The following PIGN variants were observed in gnomAD, a reference collection of about 807,000 sequenced individuals.
The protein encoded by PIGN is GPI ethanolamine phosphate transferase 1.
Under a neutral mutation model 125.4 loss-of-function variants are expected in PIGN, and 117 were observed. The ratio of observed to expected loss-of-function variants is 0.93; its 90% confidence interval spans 0.80 to 1.09. PIGN has a LOEUF of 1.09. Among genes scored for constraint, PIGN ranks in the 50% least tolerant of loss-of-function variants. The pLI is 0.00. For synonymous variants in PIGN, 392 were observed against 377.8 expected (o/e 1.04, Z -0.44); for missense variants, 1,075 against 1,094.9 (o/e 0.98, Z 0.26).
intron 1 of PIGN, among the ~76,000 whole-genome samples, chr18:62,173,307 C>T (rs2037403861): frequency 6.6e-6 from 1 of 152,166 alleles, no homozygotes; most frequent in African/African-American, 2.4e-5. Context: ...GGCTGGAGTG[C>T]AACAGCACAA....
chr18:62,174,125 A>T (rs932971604), intron 1 of PIGN, among the ~76,000 whole-genome samples: 3 of 151,936 alleles, frequency 2.0e-5, no homozygotes, highest in African/African-American at 7.3e-5. Context: ...GAGGCAGGAA[A>T]ATCACTTGAA....
intron 30 of PIGN, among the ~76,000 whole-genome samples, chr18:62,065,610 G>C (rs888075320): frequency 4.0e-5 from 6 of 151,894 alleles, no homozygotes; most frequent in Non-Finnish European, 7.4e-5. Flanking sequence ...GAGGTGGTGG[G>C]CGCCTGTAGT....
intron 1 of PIGN, among the ~76,000 whole-genome samples, chr18:62,168,879 G>A (rs1321115176): frequency 7.7e-5 from 9 of 117,312 alleles, no homozygotes; most frequent in Non-Finnish European, 1.4e-4. Flanking sequence ...TTTTTGAGAC[G>A]GTCTCACTTT....
chr18:62,032,561 C>G (rs1302897997), intron 23 of PIGN, among the ~76,000 whole-genome samples: 3 of 152,198 alleles, frequency 2.0e-5, no homozygotes, highest in Non-Finnish European at 4.4e-5. Flanking sequence ...TCCACACCAC[C>G]TGGTTAGCTG....
chr18:62,172,875 T>C (rs1353288763), intron 1 of PIGN, among the ~76,000 whole-genome samples: 1 of 152,206 alleles, frequency 6.6e-6, no homozygotes, highest in African/African-American at 2.4e-5. Flanking sequence ...CCACTGTTAC[T>C]GTTTCCTTAT....
At chr18:62,094,274 T>C (rs1295996851) in intron 23 of PIGN, among the ~76,000 whole-genome samples, 1 of 152,162 alleles carries the variant, frequency 6.6e-6, no homozygotes, top group Non-Finnish European at 1.5e-5. Flanking sequence ...TTATATTTGT[T>C]TACATTTTTA....
At position 62,043,985 on chromosome 18, in the gene PIGN, A is replaced by G. The variant is rs558879421; in HGVS notation, c.*1871T>C. On this transcript the variant is annotated 3_prime_UTR_variant, in exon 31 of 31. Coordinates refer to ENST00000640252, the MANE Select transcript of PIGN (RefSeq NM_176787.5). ...AATATACATTTCAAAACATTTAAAG[A>G]TATCTGGGAAACTGCAACAGAAAAG... 2 of 152,334 alleles carry G rather than the reference A, an allele frequency of 1.3e-5. No individual in the cohort carries two copies. The highest frequency in any genetic ancestry group is 3.9e-4 in the East Asian group (2 of 5,188). 9.4% of individuals were successfully genotyped at this position (152,334 alleles called of 1,614,324 possible). A position where few individuals can be genotyped will look rare whatever the true frequency, so the allele number is the denominator to read the frequency against.
At chr18:62,031,534 A>G (rs914905728) in intron 23 of PIGN, among the ~76,000 whole-genome samples, 3 of 152,192 alleles carry the variant, frequency 2.0e-5, no homozygotes, top group Admixed American at 6.5e-5. Context: ...TGAAAAGTTG[A>G]GTGATGCTCT....
rs77085594 is a variant in PIGN, at chr18:62,089,536, T to C, written c.2284-694A>G. ...AGTTAAAAACATAGAATTTAAAAAGTAACACAATAATCCTCAGCCTGACAA... is the reference window on the plus strand; with the variant it reads ...AGTTAAAAACATAGAATTTAAAAAGCAACACAATAATCCTCAGCCTGACAA... On this transcript the variant is annotated intron_variant, in intron 24 of 30. Transcript: ENST00000640252. Among the ~76,000 whole-genome samples the C allele has an allele frequency of 9.7e-3, 1,470 of 152,226 alleles. 45 individuals carry two copies. Among genetic ancestry groups the C allele is most frequent in the East Asian group, 0.068 (355 of 5,184 alleles).
intron 27 of PIGN, among the ~76,000 whole-genome samples, chr18:62,083,862 T>C (rs2033565521): frequency 2.0e-5 from 3 of 152,180 alleles, no homozygotes; most frequent in South Asian, 2.1e-4. Flanking sequence ...AGATGACACC[T>C]TTAACCATTT....
At chr18:62,068,001 C>A (rs2032624691) in intron 30 of PIGN, among the ~76,000 whole-genome samples, 1 of 152,210 alleles carries the variant, frequency 6.6e-6, no homozygotes, top group African/African-American at 2.4e-5. Context: ...ATGCCTGTCT[C>A]TGTCCTTTGT....
intron 30 of PIGN, among the ~76,000 whole-genome samples, chr18:62,051,492 G>T (rs2031282780): frequency 2.6e-5 from 4 of 152,272 alleles, no homozygotes; most frequent in Admixed American, 2.6e-4. Context: ...TTTGCATAGA[G>T]GTGTTTGTAG....
intron 23 of PIGN, among the ~76,000 whole-genome samples, chr18:62,035,347 T>C (rs1421084111): frequency 6.6e-6 from 1 of 152,226 alleles, no homozygotes; most frequent in Non-Finnish European, 1.5e-5. Flanking sequence ...TATAGTTATA[T>C]GTAAAGTTCA....
intron 30 of PIGN, among the ~76,000 whole-genome samples, chr18:62,067,347 G>A (rs1418283452): frequency 1.3e-5 from 2 of 152,148 alleles, no homozygotes; most frequent in East Asian, 3.8e-4. Flanking sequence ...TAATTTACAT[G>A]TGAGAAAATG....
chr18:62,067,148 A>G (rs547911917), intron 30 of PIGN, among the ~76,000 whole-genome samples: 1 of 152,252 alleles, frequency 6.6e-6, no homozygotes, highest in Admixed American at 6.5e-5. Flanking sequence ...CACTCTAACT[A>G]CTTTTCTTTT....
intron 30 of PIGN, among the ~76,000 whole-genome samples, chr18:62,071,474 G>A (rs1274042595): frequency 3.3e-5 from 5 of 152,000 alleles, no homozygotes; most frequent in Admixed American, 6.5e-5. Flanking sequence ...TAATTGCTGC[G>A]CTTACCTCAA....
intron 1 of PIGN, chr18:62,184,573 G>A (rs1322128940): frequency 6.6e-6 from 1 of 152,182 alleles, no homozygotes; most frequent in Admixed American, 6.5e-5. Flanking sequence ...AAACACACAA[G>A]TTCATGGTTA....
At chr18:62,184,693 C>G (rs538715197) in intron 1 of PIGN, 2 of 152,296 alleles carry the variant, frequency 1.3e-5, no homozygotes, top group South Asian at 4.1e-4. Flanking sequence ...CTATTTTCAA[C>G]TTGTGTTTTA....
chr18:62,087,152 T>C (rs2033747107), intron 25 of PIGN, among the ~76,000 whole-genome samples: 1 of 151,980 alleles, frequency 6.6e-6, no homozygotes, highest in African/African-American at 2.4e-5. Flanking sequence ...CCAGGCACAA[T>C]AAAAGAAGGT....
Sources: gnomAD v4.1 joint callset for allele counts (sites outside exome capture counted in the v4.1 genomes callset) on GRCh38, gnomAD v4.1.1 for gene constraint, MANE v1.5 for transcripts, NCBI Gene and HGNC (gene_info 2026-07-23, HGNC 2026-07-21) for gene names.